The following ZNF90 variants were observed in gnomAD, a reference collection of about 807,000 sequenced individuals.
ZNF90 encodes zinc finger protein HTF9.
ZNF90 carries 11 observed loss-of-function variants against 12.0 expected under a neutral mutation model. The observed-to-expected ratio is 0.92, with a 90% CI of 0.58 to 1.52. The LOEUF (loss-of-function observed/expected upper bound fraction) is 1.52, where lower values mean the gene tolerates loss of function less well. Ranked by LOEUF, ZNF90 falls within the 40% of genes most tolerant of loss-of-function variation. The pLI is 0.00. For missense variants in ZNF90, 765 were observed against 711.5 expected, an observed-to-expected ratio of 1.08 and a Z score of -0.86; for synonymous variants, 232 against 240.1, an observed-to-expected ratio of 0.97 and a Z score of 0.31.
intron 1 of ZNF90, among the ~76,000 whole-genome samples, chr19:20,093,141 T>C (rs554756063): frequency 1.8e-3 from 274 of 152,290 alleles, no homozygotes; most frequent in African/African-American, 6.3e-3. Context: ...GAGGAAGGTA[T>C]TGAGGACAAA....
rs541252663 is a variant in ZNF90 at position 20,086,888 on chromosome 19, G to T, written c.3+8753G>T. Reference sequence around the variant, plus strand: ...TTTTATTTCACTAAATTGGTATGCTGCTATTACAGGACAAATAAAGACAGG... The same window carrying T: ...TTTTATTTCACTAAATTGGTATGCTTCTATTACAGGACAAATAAAGACAGG... On this transcript the variant is annotated intron_variant, in intron 1 of 3. Transcript: ENST00000418063. 2.6e-5 allele frequency: 4 copies of T among 152,272 alleles called. No individual in the cohort carries two copies. In the East Asian group the frequency reaches 7.7e-4, roughly 29 times the overall value. 9.4% of individuals were successfully genotyped at this position (152,272 alleles called of 1,614,324 possible). A position where few individuals can be genotyped will look rare whatever the true frequency, so the allele number is the denominator to read the frequency against.
At chr19:20,101,877 G>T (rs1049867837) in intron 1 of ZNF90, among the ~76,000 whole-genome samples, 4 of 152,172 alleles carry the variant, frequency 2.6e-5, no homozygotes, top group African/African-American at 9.7e-5. Context: ...ATCTGTACAT[G>T]TGTTTATCCT....
intron 1 of ZNF90, among the ~76,000 whole-genome samples, chr19:20,079,286 A>G (rs1416343157): frequency 6.6e-6 from 1 of 150,600 alleles, no homozygotes; most frequent in African/African-American, 2.5e-5. Context: ...TAAGGCTAAT[A>G]TTAAGCCTGC....
chr19:20,103,597 C>A (rs1474973606), intron 1 of ZNF90, among the ~76,000 whole-genome samples: 1 of 152,148 alleles, frequency 6.6e-6, no homozygotes, highest in Non-Finnish European at 1.5e-5. Context: ...TATGTATAAA[C>A]CAGCACATTT....
intron 3 of ZNF90, among the ~76,000 whole-genome samples, chr19:20,117,010 C>T (rs1399216430): frequency 1.9e-5 from 2 of 104,172 alleles, no homozygotes; most frequent in Admixed American, 9.1e-5. Flanking sequence ...TGGCAACTTA[C>T]ATTTGTGTGT....
At chr19:20,103,624 T>A (rs1251230792) in intron 1 of ZNF90, among the ~76,000 whole-genome samples, 1 of 152,240 alleles carries the variant, frequency 6.6e-6, no homozygotes, top group African/African-American at 2.4e-5. Context: ...GCAGCTGTCC[T>A]TTTTTCTTAT....
chr19:20,118,820 G>C lies in ZNF90; in HGVS notation c.1266G>C (p.Glu422Asp). ...TACATAAGATAAGTCATACTGAAGA[G>C]AAACCCTACAAATGTCAAGAATGTG... ...LTIHKISHTE[E>D]KPYKCQECDK... The change falls in exon 4 of 4, where the codon GAG (glutamate) becomes GAC (aspartate). Residue 422 changes from glutamate (E) to aspartate (D), a missense_variant. Physicochemically the swap from Glu to Asp is conservative, Grantham distance 45. Coordinates refer to ENST00000418063, the MANE Select transcript of ZNF90 (RefSeq NM_007138.2). The C allele has an allele frequency of 6.2e-7, 1 of 1,603,526 alleles. No individual in the cohort carries two copies. Among genetic ancestry groups the C allele is most frequent in the South Asian group, 1.1e-5 (1 of 89,964 alleles).
In ZNF90 at chr19:20,104,366, G is replaced by A; in HGVS notation, c.130+1G>A. 1 of 1,611,314 alleles carries A rather than the reference G, an allele frequency of 6.2e-7. No homozygotes were observed. Among genetic ancestry groups the A allele is most frequent in the South Asian group, 1.1e-5 (1 of 90,608 alleles). On this transcript the variant is annotated splice_donor_variant, in intron 2 of 3. Transcript: ENST00000418063. LOFTEE classifies it high-confidence loss of function. ...AACTACAGACACCTGGTCTTCCTTG[G>A]TGAGGATAAGTGGAATACATAATTC...
intron 1 of ZNF90, among the ~76,000 whole-genome samples, chr19:20,085,420 C>T (rs1034836478): frequency 4.6e-5 from 7 of 151,974 alleles, no homozygotes; most frequent in African/African-American, 1.5e-4. Context: ...CCACCGCGCC[C>T]GGCTAATTTT....
intron 3 of ZNF90, among the ~76,000 whole-genome samples, chr19:20,114,989 A>G (rs899136552): frequency 1.3e-5 from 2 of 152,196 alleles, no homozygotes; most frequent in South Asian, 2.1e-4. Context: ...ACACACATGG[A>G]TAAACAAATT....
rs2089184932 is a variant in ZNF90, at chr19:20,120,356, A to G, written c.*996A>G. Among the ~76,000 whole-genome samples, 2 of 152,210 alleles carry G rather than the reference A, an allele frequency of 1.3e-5. No homozygotes were observed. On this transcript the variant is annotated 3_prime_UTR_variant, in exon 4 of 4. Coordinates refer to ENST00000418063, the MANE Select transcript of ZNF90 (RefSeq NM_007138.2). ...GAAGAGTATTCTGAAGACAACCATT[A>G]CACATATAAAGGGGGTTGTATTACC...
At chr19:20,086,729 A>T (rs1401086895) in intron 1 of ZNF90, among the ~76,000 whole-genome samples, 1 of 152,242 alleles carries the variant, frequency 6.6e-6, no homozygotes, top group African/African-American at 2.4e-5. Flanking sequence ...AGTTCATTAA[A>T]ATGATTTATA....
intron 1 of ZNF90, among the ~76,000 whole-genome samples, chr19:20,098,466 G>A (rs1227124425): frequency 6.6e-6 from 1 of 152,190 alleles, no homozygotes; most frequent in Non-Finnish European, 1.5e-5. Flanking sequence ...AAGCATCTTA[G>A]GAGTGAGAGA....
chr19:20,109,886 C>G (rs1023279596), intron 3 of ZNF90, among the ~76,000 whole-genome samples: 1 of 152,012 alleles, frequency 6.6e-6, no homozygotes, highest in Non-Finnish European at 1.5e-5. Flanking sequence ...ATGCAAAAGA[C>G]TTCTAGAAAC....
At chr19:20,096,427 AAG>A (rs1555703288) in intron 1 of ZNF90, among the ~76,000 whole-genome samples, 2 of 152,138 alleles carry the variant, frequency 1.3e-5, no homozygotes, top group Admixed American at 6.5e-5. Flanking sequence ...TGATTCCGAA[AAG>A]AGAGTCAGCG....
At chr19:20,094,773 G>A (rs1406552039) in intron 1 of ZNF90, among the ~76,000 whole-genome samples, 1 of 152,106 alleles carries the variant, frequency 6.6e-6, no homozygotes, top group African/African-American at 2.4e-5. Context: ...GTTAGACATT[G>A]GAATTCCTGT....
chr19:20,081,982 TCTCGATCTC>T (rs893963412), intron 1 of ZNF90, among the ~76,000 whole-genome samples: 22 of 152,096 alleles, frequency 1.4e-4, no homozygotes, highest in African/African-American at 4.3e-4. Context: ...GCCAGGAGGG[TCTCGATCTC>T]CTGACCTCGT....
intron 3 of ZNF90, among the ~76,000 whole-genome samples, chr19:20,109,452 C>T (rs991473133): frequency 6.6e-6 from 1 of 152,064 alleles, no homozygotes; most frequent in Non-Finnish European, 1.5e-5. Context: ...GTGAGAGAAA[C>T]ACTTTTGTGA....
At chr19:20,084,748 C>T (rs1340770831) in intron 1 of ZNF90, among the ~76,000 whole-genome samples, 1 of 152,134 alleles carries the variant, frequency 6.6e-6, no homozygotes, top group African/African-American at 2.4e-5. Flanking sequence ...TTAGCGATGA[C>T]CACTTTTTTT....
Sources: allele counts gnomAD v4.1 joint callset (sites outside exome capture counted in the v4.1 genomes callset), GRCh38; gene constraint gnomAD v4.1.1; transcripts MANE v1.5; gene names NCBI Gene and HGNC (gene_info 2026-07-23, HGNC 2026-07-21).